The following SERPINI1 variants were observed in gnomAD, a reference collection of about 807,000 sequenced individuals.
SERPINI1 encodes the protein serpin family I member 1, also known as neuroserpin.
A neutral mutation model predicts 41.1 loss-of-function variants in SERPINI1; 19 were observed. The ratio of observed to expected loss-of-function variants is 0.46; its 90% CI spans 0.32 to 0.68. The LOEUF is 0.68. SERPINI1 is among the 30% of genes least tolerant of loss of function. The probability of loss-of-function intolerance (pLI) is 0.03; values close to 1 mark genes in which losing one functional copy is unlikely to be tolerated. For synonymous variants in SERPINI1, 138 were observed against 156.6 expected (o/e 0.88, Z 0.89); for missense variants, 460 against 479.2 (o/e 0.96, Z 0.37).
intron 1 of SERPINI1, among the ~76,000 whole-genome samples, chr3:167,788,215 C>T (rs778396408): frequency 5.9e-5 from 9 of 152,164 alleles, no homozygotes; most frequent in Non-Finnish European, 1.0e-4. Flanking sequence ...GCTTCTGGAA[C>T]ACTGGCATGC....
In SERPINI1 at chr3:167,824,506, A is replaced by T. The variant is rs1712450763; in HGVS notation, c.1100A>T (p.Tyr367Phe). 7 of 1,613,598 alleles carry T rather than the reference A, an allele frequency of 4.3e-6. No homozygotes were observed. The South Asian group carries it at 7.7e-5, about 18-fold the overall frequency. The stretch of plus-strand genomic sequence containing the variant: ...GCAATTAGTAGGATGGCTGTGCTGT[A>T]TCCTCAAGTTATTGTCGACCATCCA... ...MIAISRMAVLYPQVIVDHPFF... is the reference protein window; with the variant it reads ...MIAISRMAVLFPQVIVDHPFF... Residue 367 changes from tyrosine to phenylalanine, a missense_variant, in exon 8 of 9, where the codon TAT (tyrosine) becomes TTT (phenylalanine). Transcript: ENST00000446050.
At chr3:167,776,040 CCA>C (rs1446833562) in intron 1 of SERPINI1, among the ~76,000 whole-genome samples, 3 of 152,172 alleles carry the variant, frequency 2.0e-5, no homozygotes, top group African/African-American at 7.2e-5. Context: ...CATAAATATT[CCA>C]CAGTCTTGTA....
intron 1 of SERPINI1, among the ~76,000 whole-genome samples, chr3:167,769,552 C>A (rs1468748158): frequency 6.6e-6 from 1 of 152,062 alleles, no homozygotes; most frequent in Admixed American, 6.6e-5. Flanking sequence ...AATATTGTGA[C>A]CTTTGTATAA....
chr3:167,793,831 CAT>C lies in SERPINI1; in HGVS notation c.677-786_677-785del, dbSNP rs1252847641. Among the ~76,000 whole-genome samples the C allele has an allele frequency of 4.9e-3, 547 of 110,556 alleles. 9 individuals are homozygous for C. Among genetic ancestry groups the C allele is most frequent in the African/African-American group, 0.022 (517 of 23,606 alleles). The allele number at this position is 110,556 out of a possible 152,430, so 72.5% of individuals were successfully genotyped here. A position where few individuals can be genotyped will look rare whatever the true frequency, so the allele number is the denominator to read the frequency against. On this transcript the variant is annotated intron_variant, in intron 4 of 8. Coordinates refer to ENST00000446050, the MANE Select transcript of SERPINI1 (RefSeq NM_001122752.2). ...GTATATATATATAGTTCATTTTGGCCATATGTATGTGTGTGTGTGTGTGTGTG... is the reference window on the plus strand; with the variant it reads ...GTATATATATATAGTTCATTTTGGCCATGTATGTGTGTGTGTGTGTGTGTG...
intron 1 of SERPINI1, among the ~76,000 whole-genome samples, chr3:167,765,476 C>G (rs904824862): frequency 1.3e-5 from 2 of 152,218 alleles, no homozygotes; most frequent in Admixed American, 1.3e-4. Flanking sequence ...CCAGGCTGCA[C>G]ACAGCACGGG....
chr3:167,813,874 T>TA (rs1309733009), intron 6 of SERPINI1, among the ~76,000 whole-genome samples: 1 of 152,158 alleles, frequency 6.6e-6, no homozygotes, highest in Non-Finnish European at 1.5e-5. Flanking sequence ...ACTTCTCTCA[T>TA]ACTTCCTGCC....
intron 1 of SERPINI1, among the ~76,000 whole-genome samples, chr3:167,772,966 G>GTGTATATATA (rs71176659): frequency 0.3 from 40,274 of 133,098 alleles, 6,594 homozygotes; most frequent in African/African-American, 0.35. Flanking sequence ...ATGTATATGT[G>GTGTATATATA]TGTATATATA....
intron 6 of SERPINI1, among the ~76,000 whole-genome samples, chr3:167,821,561 G>A (rs1480183345): frequency 6.6e-6 from 1 of 152,110 alleles, no homozygotes; most frequent in Non-Finnish European, 1.5e-5. Context: ...TCACTCACAT[G>A]CCTCTCACCA....
intron 5 of SERPINI1, among the ~76,000 whole-genome samples, chr3:167,803,965 T>C (rs750014335): frequency 6.6e-6 from 1 of 152,234 alleles, no homozygotes; most frequent in Non-Finnish European, 1.5e-5. Flanking sequence ...TTCTGGCATA[T>C]ACTAAGCTCC....
chr3:167,799,558 A>G (rs1162538038), intron 5 of SERPINI1, among the ~76,000 whole-genome samples: 2 of 152,226 alleles, frequency 1.3e-5, no homozygotes, highest in East Asian at 3.8e-4. Context: ...GTATATACCC[A>G]GTAATGGGAT....
chr3:167,812,843 A>G (rs1048691798), intron 6 of SERPINI1, among the ~76,000 whole-genome samples: 5 of 152,194 alleles, frequency 3.3e-5, no homozygotes, highest in African/African-American at 1.2e-4. Context: ...GCTGAGAATC[A>G]TTTTCTTCTC....
chr3:167,788,494 A>G (rs1253419029), intron 1 of SERPINI1, among the ~76,000 whole-genome samples: 1 of 152,144 alleles, frequency 6.6e-6, no homozygotes, highest in Non-Finnish European at 1.5e-5. Flanking sequence ...AAAGATTGTC[A>G]CTGGGAGAGC....
In SERPINI1 at chr3:167,785,229, C is replaced by T. The variant is rs116267017; in HGVS notation, c.-18-3882C>T. On this transcript the variant is annotated intron_variant, in intron 1 of 8. Transcript: ENST00000446050. ...ACTGCACTCCAGCCTAGCAACAGAG[C>T]GAGACTGTGTCTCAAAAAAAAAGAG... Among the ~76,000 whole-genome samples, 220 of 152,172 alleles carry T rather than the reference C, an allele frequency of 1.4e-3. 2 individuals are homozygous for T. Among genetic ancestry groups the T allele is most frequent in the Non-Finnish European group, 1.7e-3 (119 of 68,004 alleles).
intron 5 of SERPINI1, among the ~76,000 whole-genome samples, chr3:167,805,233 C>T (rs1195538816): frequency 3.3e-5 from 5 of 152,100 alleles, no homozygotes; most frequent in African/African-American, 1.2e-4. Flanking sequence ...TTTTAATAAT[C>T]ACCATTCTGA....
chr3:167,747,817 A>G (rs1037812614), intron 1 of SERPINI1, among the ~76,000 whole-genome samples: 2 of 152,196 alleles, frequency 1.3e-5, no homozygotes, highest in African/African-American at 4.8e-5. Context: ...TAGCAGATAA[A>G]AAGTAATGTA....
intron 1 of SERPINI1, among the ~76,000 whole-genome samples, chr3:167,738,214 T>C (rs1725547561): frequency 6.6e-6 from 1 of 152,178 alleles, no homozygotes; most frequent in South Asian, 2.1e-4. Flanking sequence ...TCAGTGAATA[T>C]GTATGATGAG....
intron 1 of SERPINI1, among the ~76,000 whole-genome samples, chr3:167,785,242 CA>C (rs897313281): frequency 2.0e-5 from 3 of 150,272 alleles, no homozygotes; most frequent in South Asian, 2.1e-4. Flanking sequence ...GACTGTGTCT[CA>C]AAAAAAAAGA....
chr3:167,762,527 C>A (rs1726421521), intron 1 of SERPINI1, among the ~76,000 whole-genome samples: 1 of 152,194 alleles, frequency 6.6e-6, no homozygotes, highest in Non-Finnish European at 1.5e-5. Flanking sequence ...CTCTCCACCT[C>A]AGCCTCCCCA....
intron 3 of SERPINI1, among the ~76,000 whole-genome samples, chr3:167,792,331 TTATA>T (rs962990869): frequency 2.0e-5 from 3 of 149,828 alleles, no homozygotes; most frequent in Non-Finnish European, 4.4e-5. Context: ...AATTTCTTTT[TTATA>T]TATATATACA....
Sources: allele counts gnomAD v4.1 joint callset (sites outside exome capture counted in the v4.1 genomes callset), GRCh38; gene constraint gnomAD v4.1.1; transcripts MANE v1.5; gene names NCBI Gene and HGNC (gene_info 2026-07-23, HGNC 2026-07-21).